The following CNTNAP5 variants were observed in gnomAD, a reference collection of about 807,000 sequenced individuals.
The protein encoded by CNTNAP5 is contactin-associated protein-like 5.
CNTNAP5 carries 72 observed loss-of-function variants against 150.2 expected under a neutral mutation model. The observed-to-expected ratio is 0.48, with a 90% confidence interval of 0.40 to 0.58. The LOEUF (loss-of-function observed/expected upper bound fraction) is 0.58. Ranked by LOEUF, CNTNAP5 falls within the 20% of genes least tolerant of loss-of-function variation. The pLI, the probability that CNTNAP5 is intolerant of heterozygous loss-of-function variation, is 0.00. For synonymous variants in CNTNAP5, 672 were observed against 619.8 expected, an observed-to-expected ratio of 1.08 and a Z score of -1.25; for missense variants, 1,636 against 1,626.2, an observed-to-expected ratio of 1.01 and a Z score of -0.10.
At chr2:124,810,185 G>A (rs1380473103) in intron 19 of CNTNAP5, among the ~76,000 whole-genome samples, 3 of 152,096 alleles carry the variant, frequency 2.0e-5, no homozygotes, top group African/African-American at 7.2e-5. Context: ...ACCAAACTTA[G>A]CACCTTAACG....
chr2:124,385,929 T>C (rs1480458432), intron 3 of CNTNAP5, among the ~76,000 whole-genome samples: 3 of 152,214 alleles, frequency 2.0e-5, no homozygotes, highest in African/African-American at 4.8e-5. Flanking sequence ...CGTTTGGCTA[T>C]GGATTCCTTC....
intron 11 of CNTNAP5, among the ~76,000 whole-genome samples, chr2:124,574,684 C>T (rs772970458): frequency 5.9e-5 from 9 of 152,254 alleles, no homozygotes; most frequent in African/African-American, 9.6e-5. Context: ...AATAATAAAA[C>T]GAAGGCATCA....
At chr2:124,194,622 A>G (rs1685539805) in intron 1 of CNTNAP5, among the ~76,000 whole-genome samples, 1 of 150,822 alleles carries the variant, frequency 6.6e-6, no homozygotes, top group African/African-American at 2.4e-5. Context: ...AATCCACAAA[A>G]AAATTTTGCT....
intron 1 of CNTNAP5, among the ~76,000 whole-genome samples, chr2:124,087,491 A>G (rs1682718627): frequency 6.6e-6 from 1 of 151,792 alleles, no homozygotes; most frequent in Admixed American, 6.6e-5. Context: ...TGGGAGGCCA[A>G]GGGGGGCAGA....
chr2:124,636,526 C>T (rs1573513151), intron 12 of CNTNAP5, among the ~76,000 whole-genome samples: 1 of 152,088 alleles, frequency 6.6e-6, no homozygotes, highest in Admixed American at 6.5e-5. Context: ...ACTACTTATA[C>T]TTGAACATGA....
At chr2:124,452,960 A>G (rs746310955) in intron 6 of CNTNAP5, among the ~76,000 whole-genome samples, 15 of 152,108 alleles carry the variant, frequency 9.9e-5, no homozygotes, top group Non-Finnish European at 1.8e-4. Context: ...ATATGACAAA[A>G]CAATGTTCTT....
At chr2:124,129,081 A>G (rs1683785424) in intron 1 of CNTNAP5, among the ~76,000 whole-genome samples, 1 of 151,174 alleles carries the variant, frequency 6.6e-6, no homozygotes, top group South Asian at 2.1e-4. Flanking sequence ...AAATAAATAA[A>G]AAATACCCAT....
intron 6 of CNTNAP5, among the ~76,000 whole-genome samples, chr2:124,451,004 G>C (rs1692956006): frequency 8.3e-6 from 1 of 121,064 alleles, no homozygotes; most frequent in Admixed American, 1.1e-4. Flanking sequence ...CTCCAGCCTG[G>C]GTAGCAGAAT....
chr2:124,674,538 T>TCTTC (rs1202363400), intron 13 of CNTNAP5, among the ~76,000 whole-genome samples: 6 of 134,860 alleles, frequency 4.4e-5, no homozygotes, highest in African/African-American at 1.8e-4. Context: ...TTTCTTTCTT[T>TCTTC]CTTTCTTTCT....
chr2:124,309,421 T>C (rs6713368), intron 3 of CNTNAP5, among the ~76,000 whole-genome samples: 29,588 of 152,190 alleles, frequency 0.19, 3,061 homozygotes, highest in East Asian at 0.37. Context: ...AGGAGGCATG[T>C]CAGGAGTGAG....
At chr2:124,591,829 C>T (rs1463896596) in intron 11 of CNTNAP5, among the ~76,000 whole-genome samples, 2 of 152,158 alleles carry the variant, frequency 1.3e-5, no homozygotes. Context: ...AAGTCTTCAT[C>T]AAACAAGTCT....
intron 1 of CNTNAP5, among the ~76,000 whole-genome samples, chr2:124,042,783 CATCT>C (rs3036301): frequency 0.2 from 30,042 of 148,056 alleles, 3,188 homozygotes; most frequent in Admixed American, 0.28. Flanking sequence ...AACTCTCTAT[CATCT>C]ATCTATCTAT....
intron 12 of CNTNAP5, among the ~76,000 whole-genome samples, chr2:124,645,756 G>A (rs1678189701): frequency 6.6e-6 from 1 of 152,156 alleles, no homozygotes; most frequent in South Asian, 2.1e-4. Flanking sequence ...AGAAAGAAAA[G>A]GAGTTTGATT....
intron 8 of CNTNAP5, among the ~76,000 whole-genome samples, chr2:124,517,194 G>A (rs555234366): frequency 6.6e-6 from 1 of 151,244 alleles, no homozygotes; most frequent in South Asian, 2.1e-4. Context: ...TGTTGGTGGT[G>A]GAGGGTTGTG....
intron 3 of CNTNAP5, among the ~76,000 whole-genome samples, chr2:124,370,550 C>T (rs2104726109): frequency 6.6e-6 from 1 of 152,274 alleles, no homozygotes; most frequent in East Asian, 1.9e-4. Flanking sequence ...GAAAACTGAA[C>T]TCTTGCAGAT....
chr2:124,862,151 G>T (rs1441915113), intron 19 of CNTNAP5, among the ~76,000 whole-genome samples: 1 of 152,126 alleles, frequency 6.6e-6, no homozygotes, highest in East Asian at 1.9e-4. Flanking sequence ...TTTAAGCTAA[G>T]GCTCAAATCT....
chr2:124,648,580 C>T (rs961876028), intron 13 of CNTNAP5, among the ~76,000 whole-genome samples: 4 of 152,020 alleles, frequency 2.6e-5, no homozygotes, highest in African/African-American at 9.7e-5. Context: ...ATTTATTTTC[C>T]CATGGTTATT....
At chr2:124,456,759 C>A (rs1480247570) in intron 6 of CNTNAP5, among the ~76,000 whole-genome samples, 1 of 152,000 alleles carries the variant, frequency 6.6e-6, no homozygotes, top group African/African-American at 2.4e-5. Context: ...CAGAAATAAA[C>A]CCTAATACTT....
At chr2:124,784,619 G>A (rs1021530197) in intron 17 of CNTNAP5, among the ~76,000 whole-genome samples, 1 of 152,124 alleles carries the variant, frequency 6.6e-6, no homozygotes, top group Non-Finnish European at 1.5e-5. Flanking sequence ...AATGCATGCT[G>A]GTATATTATT....
Sources: allele counts gnomAD v4.1 joint callset (sites outside exome capture counted in the v4.1 genomes callset), GRCh38; gene constraint gnomAD v4.1.1; transcripts MANE v1.5; gene names NCBI Gene and HGNC (gene_info 2026-07-23, HGNC 2026-07-21).